EIF4H: variants seen among roughly 807,000 people sequenced by gnomAD.
EIF4H encodes eukaryotic translation initiation factor 4H, also known as Williams-Beuren syndrome chromosome region 1.
EIF4H carries 8 observed loss-of-function variants against 30.6 expected under a neutral mutation model. The observed-to-expected ratio is 0.26, with a 90% CI of 0.15 to 0.47. The LOEUF (loss-of-function observed/expected upper bound fraction) is 0.47, where lower values mean the gene tolerates loss of function less well. Ranked by LOEUF, EIF4H falls within the 20% of genes least tolerant of loss-of-function variation. The pLI is 0.99. For synonymous variants in EIF4H, 106 were observed against 122.7 expected (o/e 0.86, Z 0.90); for missense variants, 188 against 339.5 (o/e 0.55, Z 3.51).
intron 1 of EIF4H, among the ~76,000 whole-genome samples, chr7:74,174,764 C>T (rs1007212599): frequency 6.6e-6 from 1 of 152,256 alleles, no homozygotes; most frequent in Admixed American, 6.5e-5. Flanking sequence ...CCCATCCCCC[C>T]TACGGTAGGA....
intron 1 of EIF4H, among the ~76,000 whole-genome samples, chr7:74,174,761 C>T (rs1247674893): frequency 1.3e-5 from 2 of 152,246 alleles, no homozygotes; most frequent in Non-Finnish European, 2.9e-5. Flanking sequence ...AGCCCCATCC[C>T]CCCTACGGTA....
intron 1 of EIF4H, among the ~76,000 whole-genome samples, chr7:74,177,520 G>C (rs1800868305): frequency 6.6e-6 from 1 of 151,820 alleles, no homozygotes; most frequent in Non-Finnish European, 1.5e-5. Context: ...CCTTCCCCCA[G>C]GTCCCTGGCA....
intron 5 of EIF4H, chr7:74,191,415 G>GC: frequency 2.5e-6 from 1 of 393,356 alleles, no homozygotes; most frequent in South Asian, 1.9e-5. Flanking sequence ...GCTTAGCTTG[G>GC]CCACTGGCGC....
chr7:74,190,177 T>C, intron 4 of EIF4H, 70 bp from the exon 5 acceptor site: 1 of 1,499,328 alleles, frequency 6.7e-7, no homozygotes, highest in Non-Finnish European at 9.2e-7. Flanking sequence ...GTCTTCCAAA[T>C]GAATTTTTCC....
Position 74,195,684 on chromosome 7 carries a change from T to C in EIF4H, c.*376T>C, listed in dbSNP as rs1801332417. ...CATTTTTCCTTTGCTTTCTCTTTAC[T>C]TTAGACACTGGCCCAACTCCAGGCG... is the stretch of plus-strand genomic sequence containing the variant. On this transcript the variant is annotated 3_prime_UTR_variant, in exon 7 of 7. Transcript: ENST00000265753. 5.6e-6 allele frequency: 1 copy of C among 177,194 alleles called. No homozygotes were observed. Among genetic ancestry groups the C allele is most frequent in the African/African-American group, 2.4e-5 (1 of 42,178 alleles). The allele number at this position is 177,194 out of a possible 1,614,324, so 11.0% of individuals were successfully genotyped here.
At chr7:74,186,814 T>A (rs1397853589) in intron 1 of EIF4H, among the ~76,000 whole-genome samples, 1,501 of 70,364 alleles carry the variant, frequency 0.021, 176 homozygotes, top group African/African-American at 0.04. Context: ...TTTTTTTTTT[T>A]TTTTTTTTTT....
intron 5 of EIF4H, among the ~76,000 whole-genome samples, chr7:74,193,675 C>T (rs1021392975): frequency 6.6e-6 from 1 of 151,614 alleles, no homozygotes; most frequent in Non-Finnish European, 1.5e-5. Context: ...TGTAATGGCA[C>T]GATCTTGGCT....
intron 1 of EIF4H, among the ~76,000 whole-genome samples, chr7:74,175,641 TG>T (rs1800821885): frequency 6.6e-6 from 1 of 152,162 alleles, no homozygotes; most frequent in Non-Finnish European, 1.5e-5. Context: ...AAGTAAATGT[TG>T]GATGACATGA....
At chr7:74,177,975 C>T (rs539176136) in intron 1 of EIF4H, among the ~76,000 whole-genome samples, 191 of 152,268 alleles carry the variant, frequency 1.3e-3, no homozygotes, top group African/African-American at 4.4e-3. Context: ...GGCTCTCCTT[C>T]TGTCACCCAG....
At chr7:74,176,398 C>T (rs1306468460) in intron 1 of EIF4H, among the ~76,000 whole-genome samples, 5 of 152,060 alleles carry the variant, frequency 3.3e-5, no homozygotes, top group Admixed American at 6.6e-5. Flanking sequence ...CCACCGCGCC[C>T]GGCCTCAATT....
intron 1 of EIF4H, among the ~76,000 whole-genome samples, chr7:74,186,848 A>T (rs1801094961): frequency 2.0e-5 from 2 of 100,700 alleles, no homozygotes; most frequent in Non-Finnish European, 1.8e-5. Context: ...TTTGAGACGG[A>T]GTCTCTGTCG....
chr7:74,183,622 T>C (rs914486673), intron 1 of EIF4H, among the ~76,000 whole-genome samples: 2 of 152,324 alleles, frequency 1.3e-5, no homozygotes, highest in South Asian at 2.1e-4. Flanking sequence ...ACACAGCTTA[T>C]TTATTTAGGT....
rs1485305789 is a variant in EIF4H at position 74,197,048 on chromosome 7, A to G, written c.*1740A>G. 1 of 152,556 alleles carries G rather than the reference A, an allele frequency of 6.6e-6. No individual in the cohort carries two copies. Among genetic ancestry groups the G allele is most frequent in the Non-Finnish European group, 1.5e-5 (1 of 68,030 alleles). 9.5% of individuals were successfully genotyped at this position (152,556 alleles called of 1,614,324 possible). The stretch of plus-strand genomic sequence containing the variant: ...TATGACAGAAAGTAAATCTATGGAT[A>G]TGGTATTTTGTGAATGATCTTTTAA... On this transcript the variant is annotated 3_prime_UTR_variant, in exon 7 of 7. Coordinates refer to ENST00000265753, the MANE Select transcript of EIF4H (RefSeq NM_022170.2).
intron 5 of EIF4H, among the ~76,000 whole-genome samples, chr7:74,193,337 G>C (rs781987591): frequency 5.3e-5 from 8 of 152,202 alleles, no homozygotes; most frequent in Non-Finnish European, 1.0e-4. Flanking sequence ...ATCTGTGCAG[G>C]TCCAGGACTG....
chr7:74,189,770 G>A, intron 3 of EIF4H, 33 bp downstream of exon 3: 1 of 1,614,162 alleles, frequency 6.2e-7, no homozygotes, highest in Non-Finnish European at 8.5e-7. Context: ...TGTCATAGCA[G>A]TTGAGATTGT....
At chr7:74,195,014 G>C in intron 6 of EIF4H, 136 bp downstream of exon 6, 1 of 1,501,838 alleles carries the variant, frequency 6.7e-7, no homozygotes, top group Non-Finnish European at 8.9e-7. Context: ...GGAATAGCAA[G>C]TTCACCTTGG....
At position 74,187,668 on chromosome 7, in the gene EIF4H, G is replaced by A. The variant is rs201237184; in HGVS notation, c.117G>A (p.Glu39=). ...GSRSQKELPT[E]PPYTAYVGNL... ...GTAGCCAGAAGGAGTTGCCCACAGA[G>A]CCCCCCTACACAGCATACGTAGGAA... Residue 39 remains glutamate, a synonymous_variant, in exon 2 of 7, where the codon GAG becomes GAA. Coordinates refer to ENST00000265753, the MANE Select transcript of EIF4H (RefSeq NM_022170.2). 4.7e-5 allele frequency: 75 copies of A among 1,611,286 alleles called. No individual in the cohort carries two copies. The highest frequency in any genetic ancestry group is 6.3e-5 in the Non-Finnish European group (74 of 1,178,406).
chr7:74,189,797 TAC>T (rs1554709642), intron 3 of EIF4H, 23 bp from the exon 4 acceptor site: 1 of 1,614,164 alleles, frequency 6.2e-7, no homozygotes, highest in Admixed American at 1.7e-5. Flanking sequence ...TGCCAATACT[TAC>T]ACTATTTTCC....
rs1801318182 is a variant in EIF4H at position 74,195,325 on chromosome 7, G to A, written c.*17G>A. ...CAAGAATGAGCCTGCGGTTGGGAGG[G>A]AATGGGGCGTGGGGGGTTAGAGCAG... On this transcript the variant is annotated 3_prime_UTR_variant, in exon 7 of 7. Coordinates refer to ENST00000265753, the MANE Select transcript of EIF4H (RefSeq NM_022170.2). 5.0e-6 allele frequency: 8 copies of A among 1,611,450 alleles called. No individual in the cohort carries two copies. The highest frequency in any genetic ancestry group is 6.8e-6 in the Non-Finnish European group (8 of 1,178,758).
Sources: gnomAD v4.1 joint callset for allele counts (sites outside exome capture counted in the v4.1 genomes callset) on GRCh38, gnomAD v4.1.1 for gene constraint, MANE v1.5 for transcripts, NCBI Gene and HGNC (gene_info 2026-07-23, HGNC 2026-07-21) for gene names.